SPIDR: variants seen among roughly 807,000 people sequenced by gnomAD.
SPIDR encodes DNA repair-scaffolding protein.
Under a neutral mutation model 104.6 loss-of-function variants are expected in SPIDR, and 93 were observed. The ratio of observed to expected loss-of-function variants is 0.89; its 90% CI spans 0.75 to 1.06. SPIDR has a LOEUF of 1.06. Ranked by LOEUF, SPIDR falls within the 50% of genes least tolerant of loss-of-function variation. The pLI, the probability that SPIDR is intolerant of heterozygous loss-of-function variation, is 0.00. For synonymous variants in SPIDR, 431 were observed against 416.9 expected (o/e 1.03, Z -0.41); for missense variants, 1,154 against 1,111.2 (o/e 1.04, Z -0.55).
intron 5 of SPIDR, among the ~76,000 whole-genome samples, chr8:47,315,920 G>C (rs1554589181): frequency 6.6e-6 from 1 of 152,086 alleles, no homozygotes; most frequent in Non-Finnish European, 1.5e-5. Context: ...AATAAACAAA[G>C]AACAGGCAAA....
Position 47,260,960 on chromosome 8 carries a change from TGCCCCGCGG to T in SPIDR, c.3_11del (p.MetProArgGly1_?4). On this transcript the variant is annotated start_lost and inframe_deletion, in exon 1 of 20. Transcript: ENST00000297423. ...TGCGCTCAGGCGGCGCTCCCGGAGA[TGCCCCGCGG>T]CAGCCGCGCTCGGGGCTCTAAGGTA... 8.1e-7 allele frequency: 1 copy of T among 1,229,444 alleles called. No homozygotes were observed. The highest frequency in any genetic ancestry group is 1.0e-6 in the Non-Finnish European group (1 of 986,238). 76.2% of individuals were successfully genotyped at this position (1,229,444 alleles called of 1,614,324 possible). A position where few individuals can be genotyped will look rare whatever the true frequency, so the allele number is the denominator to read the frequency against.
intron 1 of SPIDR, among the ~76,000 whole-genome samples, chr8:47,269,560 A>G (rs2034840597): frequency 6.7e-6 from 1 of 149,530 alleles, no homozygotes; most frequent in African/African-American, 2.5e-5. Context: ...CTGGCCAACC[A>G]TGTCTCTTAA....
chr8:47,535,023 C>A (rs1224446461), intron 8 of SPIDR, among the ~76,000 whole-genome samples: 1 of 152,108 alleles, frequency 6.6e-6, no homozygotes, highest in Non-Finnish European at 1.5e-5. Context: ...AAACTCTCTG[C>A]CCACAAATTC....
At chr8:47,423,397 G>T (rs1195801047) in intron 7 of SPIDR, among the ~76,000 whole-genome samples, 3 of 151,976 alleles carry the variant, frequency 2.0e-5, no homozygotes, top group African/African-American at 7.2e-5. Flanking sequence ...CTTGAGGCCA[G>T]GAGTTTGAGA....
intron 5 of SPIDR, among the ~76,000 whole-genome samples, chr8:47,305,096 G>C (rs2042894213): frequency 6.6e-6 from 1 of 152,188 alleles, no homozygotes; most frequent in Non-Finnish European, 1.5e-5. Flanking sequence ...TACCTATCTT[G>C]TGGTATTCTG....
chr8:47,400,677 CT>C (rs35140121), intron 6 of SPIDR, among the ~76,000 whole-genome samples: 73,633 of 139,494 alleles, frequency 0.53, 22,042 homozygotes, highest in East Asian at 0.71. Flanking sequence ...TTCTTTCTTT[CT>C]TTTTTTTTTT....
At chr8:47,347,449 G>A (rs925130169) in intron 5 of SPIDR, among the ~76,000 whole-genome samples, 1 of 152,190 alleles carries the variant, frequency 6.6e-6, no homozygotes, top group Non-Finnish European at 1.5e-5. Flanking sequence ...GAGTTCTGTA[G>A]ATGTCTATTA....
At chr8:47,534,407 C>G (rs1234485729) in intron 8 of SPIDR, among the ~76,000 whole-genome samples, 1 of 152,066 alleles carries the variant, frequency 6.6e-6, no homozygotes, top group Non-Finnish European at 1.5e-5. Flanking sequence ...GTAGACTGGA[C>G]AAAGAAAATG....
chr8:47,617,503 A>G (rs1563327122), intron 10 of SPIDR, among the ~76,000 whole-genome samples: 1 of 152,248 alleles, frequency 6.6e-6, no homozygotes, highest in Non-Finnish European at 1.5e-5. Flanking sequence ...GATTGTATCC[A>G]TTCATCAGTT....
At chr8:47,636,200 C>A (rs1237231461) in intron 10 of SPIDR, among the ~76,000 whole-genome samples, 1 of 152,144 alleles carries the variant, frequency 6.6e-6, no homozygotes, top group Non-Finnish European at 1.5e-5. Context: ...GATCAGTGAT[C>A]TTTTATGTTG....
rs2080232517 is a variant in SPIDR, at chr8:47,701,850, A to C, written c.1903A>C (p.Arg635=). The C allele has an allele frequency of 2.5e-6, 4 of 1,614,172 alleles. No homozygotes were observed. Among genetic ancestry groups the C allele is most frequent in the Non-Finnish European group, 3.4e-6 (4 of 1,180,038 alleles). Residue 635 remains arginine (R), a synonymous_variant, in exon 13 of 20, where the codon AGA becomes CGA. Coordinates refer to ENST00000297423, the MANE Select transcript of SPIDR (RefSeq NM_001080394.4). ...LYQPPVTRCL[R]DILQMNDLGT... ...CCAGCCTCCAGTTACCCGCTGCTTA[A>C]GAGACATTCTCCAGGTAATGTCTTT... is the stretch of plus-strand genomic sequence containing the variant.
intron 8 of SPIDR, among the ~76,000 whole-genome samples, chr8:47,526,857 C>CA (rs1253460731): frequency 6.6e-5 from 10 of 152,138 alleles, no homozygotes; most frequent in Non-Finnish European, 1.2e-4. Flanking sequence ...TGTCACAGAA[C>CA]AAACAGCTGC....
chr8:47,636,273 A>G (rs2067903295), intron 10 of SPIDR, among the ~76,000 whole-genome samples: 1 of 152,170 alleles, frequency 6.6e-6, no homozygotes. Flanking sequence ...TTTAATCAGC[A>G]AATGTGTGTG....
intron 16 of SPIDR, among the ~76,000 whole-genome samples, chr8:47,726,918 G>C (rs1589576077): frequency 6.6e-6 from 1 of 152,160 alleles, no homozygotes; most frequent in South Asian, 2.1e-4. Flanking sequence ...GGCCGGCTCA[G>C]CTGTGGCGAT....
At chr8:47,276,469 A>G (rs1376069007) in intron 1 of SPIDR, among the ~76,000 whole-genome samples, 6 of 152,200 alleles carry the variant, frequency 3.9e-5, no homozygotes, top group East Asian at 1.9e-4. Context: ...ATTGAATTTC[A>G]TGTTCAGTTG....
At chr8:47,408,556 G>T (rs2063070526) in intron 7 of SPIDR, among the ~76,000 whole-genome samples, 2 of 152,078 alleles carry the variant, frequency 1.3e-5, no homozygotes, top group African/African-American at 4.8e-5. Flanking sequence ...CTCTCTATTG[G>T]CAGCCACCAT....
intron 10 of SPIDR, among the ~76,000 whole-genome samples, chr8:47,621,142 A>G (rs1217424736): frequency 1.3e-5 from 2 of 151,474 alleles, no homozygotes; most frequent in East Asian, 3.9e-4. Context: ...ATTTTAGTAG[A>G]GACGGGGTTT....
chr8:47,293,883 C>T lies in SPIDR; in HGVS notation c.378C>T (p.Ile126=), dbSNP rs1586473126. ...SQLQRDELQF[I]DWEIDSDRAE... Reference sequence around the variant, plus strand: ...ATTTTTTAGATGAATTACAGTTTATCGACTGGGAGATTGACAGTGACAGGG... The same window carrying T: ...ATTTTTTAGATGAATTACAGTTTATTGACTGGGAGATTGACAGTGACAGGG... The change falls in exon 5 of 20, where the codon ATC becomes ATT. Residue 126 remains isoleucine, a synonymous_variant. Transcript: ENST00000297423. The T allele has an allele frequency of 2.5e-6, 4 of 1,608,304 alleles. No individual in the cohort carries two copies. Among genetic ancestry groups the T allele is most frequent in the Non-Finnish European group, 3.4e-6 (4 of 1,177,290 alleles).
chr8:47,265,656 A>C (rs1563432042), intron 1 of SPIDR, among the ~76,000 whole-genome samples: 1 of 152,204 alleles, frequency 6.6e-6, no homozygotes, highest in African/African-American at 2.4e-5. Flanking sequence ...AAATAGTACA[A>C]AAAAAGTTTG....
Sources: gnomAD v4.1 joint callset for allele counts (sites outside exome capture counted in the v4.1 genomes callset) on GRCh38, gnomAD v4.1.1 for gene constraint, MANE v1.5 for transcripts, NCBI Gene and HGNC (gene_info 2026-07-23, HGNC 2026-07-21) for gene names.